Variants in LINGO2 observed in about 807,000 individuals in gnomAD.
LINGO2 encodes leucine-rich repeat and immunoglobulin-like domain-containing nogo receptor-interacting protein 2.
In LINGO2, 14 loss-of-function variants were observed where a neutral mutation model predicts 30.6. That is an observed-to-expected ratio of 0.46 (90% CI 0.30 to 0.72). The LOEUF is 0.72. Ranked by LOEUF, LINGO2 falls within the 30% of genes least tolerant of loss-of-function variation. LINGO2 has a pLI of 0.07. For missense variants in LINGO2, 729 were observed against 751.7 expected (o/e 0.97, Z 0.35); for synonymous variants, 317 against 288.5 (o/e 1.10, Z -1.00).
intron 4 of LINGO2, among the ~76,000 whole-genome samples, chr9:28,119,187 T>C (rs1421262233): frequency 6.6e-6 from 1 of 152,206 alleles, no homozygotes; most frequent in Non-Finnish European, 1.5e-5. Context: ...CAATGGATTT[T>C]AGCATGTAGG....
chr9:28,680,014 G>T, the LINGO2 span, among the ~76,000 whole-genome samples: 6 of 151,714 alleles, frequency 4.0e-5, no homozygotes, highest in African/African-American at 1.5e-4. Context: ...ATTATATCTG[G>T]AATTATATTC....
At chr9:28,256,972 A>C (rs1420600089) in intron 4 of LINGO2, among the ~76,000 whole-genome samples, 1 of 151,896 alleles carries the variant, frequency 6.6e-6, no homozygotes, top group African/African-American at 2.4e-5. Flanking sequence ...ATTGTGAGGA[A>C]TATCTTCCTG....
At chr9:27,968,113 T>C (rs754102921) in intron 5 of LINGO2, among the ~76,000 whole-genome samples, 1 of 152,118 alleles carries the variant, frequency 6.6e-6, no homozygotes, top group Non-Finnish European at 1.5e-5. Context: ...GGCTACCTTT[T>C]ATATGCAAAG....
chr9:28,848,198 A>T, the LINGO2 span, among the ~76,000 whole-genome samples: 1 of 112,928 alleles, frequency 8.9e-6, no homozygotes, highest in Non-Finnish European at 1.7e-5. Flanking sequence ...ATACACATAT[A>T]TAGTATATAT....
chr9:28,938,658 G>A, the LINGO2 span, among the ~76,000 whole-genome samples: 2 of 152,128 alleles, frequency 1.3e-5, no homozygotes, highest in Admixed American at 6.5e-5. Flanking sequence ...ATTTGGTACA[G>A]TAACATGCTG....
the LINGO2 span, among the ~76,000 whole-genome samples, chr9:29,150,429 A>G: frequency 6.6e-6 from 1 of 152,228 alleles, no homozygotes; most frequent in East Asian, 1.9e-4. Flanking sequence ...CCAGTTTGAA[A>G]GAACTGAAAT....
chr9:28,067,077 T>TG (rs1825334643), intron 4 of LINGO2, among the ~76,000 whole-genome samples: 1 of 152,164 alleles, frequency 6.6e-6, no homozygotes. Context: ...ATATGAACTC[T>TG]GGTCCTCTTA....
the LINGO2 span, among the ~76,000 whole-genome samples, chr9:28,920,452 G>T: frequency 1.3e-5 from 2 of 151,826 alleles, no homozygotes; most frequent in African/African-American, 2.4e-5. Context: ...CATTCCCTCA[G>T]GATTTCATTT....
At chr9:28,122,634 T>A (rs1441461836) in intron 4 of LINGO2, among the ~76,000 whole-genome samples, 1 of 152,164 alleles carries the variant, frequency 6.6e-6, no homozygotes, top group African/African-American at 2.4e-5. Context: ...GTACAATCGT[T>A]CCTCCTCCTG....
intron 4 of LINGO2, among the ~76,000 whole-genome samples, chr9:28,117,777 G>A (rs1002504121): frequency 2.7e-5 from 4 of 149,358 alleles, no homozygotes; most frequent in African/African-American, 9.8e-5. Flanking sequence ...GCTCGCGGAC[G>A]GTGCGCACAC....
chr9:28,293,258 C>T (rs10968449), intron 4 of LINGO2, among the ~76,000 whole-genome samples: 7 of 151,824 alleles, frequency 4.6e-5, no homozygotes, highest in Non-Finnish European at 8.8e-5. Context: ...CCACCATTCT[C>T]GACTAATTTT....
the LINGO2 span, among the ~76,000 whole-genome samples, chr9:29,188,367 G>A: frequency 6.6e-6 from 1 of 152,022 alleles, no homozygotes; most frequent in African/African-American, 2.4e-5. Flanking sequence ...TCCCAAGGCA[G>A]AAGAATTTTT....
At position 28,308,244 on chromosome 9, in the gene LINGO2, T is replaced by C. The variant is rs1200120194; in HGVS notation, c.-245-12878A>G. Among the ~76,000 whole-genome samples the C allele has an allele frequency of 5.4e-5, 7 of 129,014 alleles. 1 individual carries two copies. The East Asian group carries it at 1.6e-3, about 29-fold the overall frequency. The allele number at this position is 129,014 out of a possible 152,430, so 84.6% of individuals were successfully genotyped here. A position where few individuals can be genotyped will look rare whatever the true frequency, so the allele number is the denominator to read the frequency against. On this transcript the variant is annotated intron_variant, in intron 3 of 5. Coordinates refer to ENST00000379992, the Ensembl canonical transcript of LINGO2. ...GTACCAAAACAGAGATATAGATCAA[T>C]GGAACAGAACAGAGCCCTCAGAAAT...
At chr9:28,063,100 G>A (rs1294281678) in intron 4 of LINGO2, among the ~76,000 whole-genome samples, 1 of 152,052 alleles carries the variant, frequency 6.6e-6, no homozygotes, top group Non-Finnish European at 1.5e-5. Flanking sequence ...TAGAACCAAA[G>A]CAAAAAGACC....
intron 2 of LINGO2, among the ~76,000 whole-genome samples, chr9:28,424,541 G>A (rs545798120): frequency 6.6e-6 from 1 of 152,230 alleles, no homozygotes; most frequent in East Asian, 1.9e-4. Context: ...TAAAACAACT[G>A]ACCAGCAGAA....
the LINGO2 span, among the ~76,000 whole-genome samples, chr9:28,676,432 G>T: frequency 2.6e-5 from 4 of 152,048 alleles, no homozygotes; most frequent in Admixed American, 6.5e-5. Flanking sequence ...CTCTATACAT[G>T]CCACCTGAAA....
rs1050034649 is a variant in LINGO2 at position 28,587,097 on chromosome 9, A to G, written c.-365+83103T>C. On this transcript the variant is annotated intron_variant, in intron 1 of 5. Coordinates refer to ENST00000379992, the Ensembl canonical transcript of LINGO2. Reference sequence around the variant, plus strand: ...AAGAGTAAGAGAAAAGGAGCTTCATATTTTGCACATTGGGAACTGAAAGTT... The same window carrying G: ...AAGAGTAAGAGAAAAGGAGCTTCATGTTTTGCACATTGGGAACTGAAAGTT... 4.6e-5 allele frequency among the ~76,000 whole-genome samples: 7 copies of G among 151,984 alleles called. 1 individual carries two copies. Among genetic ancestry groups the G allele is most frequent in the Non-Finnish European group, 7.4e-5 (5 of 67,936 alleles).
chr9:28,461,359 C>T (rs574914967), intron 2 of LINGO2, among the ~76,000 whole-genome samples: 1 of 152,222 alleles, frequency 6.6e-6, no homozygotes, highest in African/African-American at 2.4e-5. Flanking sequence ...TCATTTACTT[C>T]GTGGCTTTCT....
chr9:29,132,390 TCCCTTCCTGCAA>T, the LINGO2 span, among the ~76,000 whole-genome samples: 1 of 152,072 alleles, frequency 6.6e-6, no homozygotes, highest in African/African-American at 2.4e-5. Context: ...CTCTGATTGG[TCCCTTCCTGCAA>T]CCAATCAGAC....
Sources: gnomAD v4.1 joint callset for allele counts (sites outside exome capture counted in the v4.1 genomes callset) on GRCh38, gnomAD v4.1.1 for gene constraint, MANE v1.5 for transcripts, NCBI Gene and HGNC (gene_info 2026-07-23, HGNC 2026-07-21) for gene names.